MCC: variants seen among roughly 807,000 people sequenced by gnomAD.
MCC encodes the protein colorectal mutant cancer protein.
Under a neutral mutation model 116.2 loss-of-function variants are expected in MCC, and 90 were observed. That is an observed-to-expected ratio of 0.77 (90% CI 0.65 to 0.92). The LOEUF is 0.92. MCC is among the 40% of genes least tolerant of loss of function. The pLI, the probability that MCC is intolerant of heterozygous loss-of-function variation, is 0.00. For synonymous variants in MCC, 578 were observed against 510.5 expected, an observed-to-expected ratio of 1.13 and a Z score of -1.78; for missense variants, 1,516 against 1,312.2, an observed-to-expected ratio of 1.16 and a Z score of -2.40.
chr5:113,222,492 T>C (rs565642899), intron 3 of MCC, among the ~76,000 whole-genome samples: 1 of 152,352 alleles, frequency 6.6e-6, no homozygotes, highest in East Asian at 1.9e-4. Flanking sequence ...AGAGTTGGTA[T>C]TATTTCTTTC....
chr5:113,133,154 T>C (rs1337394350), intron 5 of MCC, among the ~76,000 whole-genome samples: 1 of 152,182 alleles, frequency 6.6e-6, no homozygotes, highest in Admixed American at 6.5e-5. Flanking sequence ...GCTGGGAACA[T>C]TCAAATTATT....
chr5:113,210,953 A>G (rs1402117571), intron 3 of MCC, among the ~76,000 whole-genome samples: 1 of 152,170 alleles, frequency 6.6e-6, no homozygotes, highest in African/African-American at 2.4e-5. Context: ...CTCAACTCTA[A>G]AGGCTTTGTA....
chr5:113,030,388 C>T (rs1750871611), intron 17 of MCC, among the ~76,000 whole-genome samples: 1 of 152,082 alleles, frequency 6.6e-6, no homozygotes, highest in South Asian at 2.1e-4. Context: ...TTTTAAAATG[C>T]AGATGGAGGG....
intron 5 of MCC, among the ~76,000 whole-genome samples, chr5:113,126,162 G>C (rs1322639499): frequency 6.6e-6 from 1 of 152,144 alleles, no homozygotes; most frequent in Non-Finnish European, 1.5e-5. Flanking sequence ...GTTGCTTTAA[G>C]AGATGCAACC....
intron 3 of MCC, among the ~76,000 whole-genome samples, chr5:113,278,815 C>G (rs1257238518): frequency 6.6e-6 from 1 of 152,162 alleles, no homozygotes; most frequent in Admixed American, 6.5e-5. Flanking sequence ...CAAATGCTTT[C>G]AAAGTGCTTA....
At chr5:113,219,983 CTT>C in intron 3 of MCC, among the ~76,000 whole-genome samples, 1 of 146,518 alleles carries the variant, frequency 6.8e-6, no homozygotes, top group African/African-American at 2.4e-5. Context: ...CGGGTTCATT[CTT>C]TTTCTAAGTT....
chr5:113,286,397 C>T (rs1766264101), intron 3 of MCC, among the ~76,000 whole-genome samples: 1 of 152,204 alleles, frequency 6.6e-6, no homozygotes. Context: ...ACAACTGCTT[C>T]AGTATTTCTC....
intron 2 of MCC, among the ~76,000 whole-genome samples, chr5:113,371,157 G>T (rs1768828688): frequency 6.6e-6 from 1 of 152,178 alleles, no homozygotes; most frequent in African/African-American, 2.4e-5. Context: ...GTAGGCGGAG[G>T]TTGCAGTGAG....
intron 3 of MCC, among the ~76,000 whole-genome samples, chr5:113,261,581 A>G (rs1305513171): frequency 6.6e-6 from 1 of 152,210 alleles, no homozygotes; most frequent in Non-Finnish European, 1.5e-5. Flanking sequence ...TACAGTCATA[A>G]ATACCAAATA....
At chr5:113,160,160 C>T (rs1294001507) in intron 3 of MCC, among the ~76,000 whole-genome samples, 1 of 152,198 alleles carries the variant, frequency 6.6e-6, no homozygotes, top group African/African-American at 2.4e-5. Flanking sequence ...GATCACAAAG[C>T]AGGCCCAGGT....
At chr5:113,212,128 C>A (rs1049030765) in intron 3 of MCC, among the ~76,000 whole-genome samples, 27 of 152,158 alleles carry the variant, frequency 1.8e-4, no homozygotes, top group Non-Finnish European at 3.4e-4. Context: ...TGTTTGATAA[C>A]TAACATTCCA....
At chr5:113,412,880 C>G (rs986441314) in intron 1 of MCC, among the ~76,000 whole-genome samples, 1 of 152,176 alleles carries the variant, frequency 6.6e-6, no homozygotes, top group Non-Finnish European at 1.5e-5. Flanking sequence ...CCAGGTTTGT[C>G]CATTCAGTAT....
At chr5:113,333,080 G>A (rs1221825286) in intron 3 of MCC, among the ~76,000 whole-genome samples, 1 of 151,544 alleles carries the variant, frequency 6.6e-6, no homozygotes, top group Non-Finnish European at 1.5e-5. Flanking sequence ...TGGTTGATAT[G>A]AAAAAAGGGG....
chr5:113,266,282 A>G (rs1055846707), intron 3 of MCC, among the ~76,000 whole-genome samples: 1 of 151,924 alleles, frequency 6.6e-6, no homozygotes, highest in Non-Finnish European at 1.5e-5. Context: ...ATCACCAGCA[A>G]TTCTGAAAAA....
At chr5:113,080,615 G>T (rs180770826) in intron 11 of MCC, among the ~76,000 whole-genome samples, 2 of 152,174 alleles carry the variant, frequency 1.3e-5, no homozygotes, top group Admixed American at 1.3e-4. Context: ...AGAACACCTG[G>T]ACACACGGTG....
chr5:113,190,236 T>C (rs1045571323), intron 3 of MCC, among the ~76,000 whole-genome samples: 2 of 152,202 alleles, frequency 1.3e-5, no homozygotes, highest in African/African-American at 4.8e-5. Flanking sequence ...CTTTTGCTTG[T>C]GTTCACAGCC....
intron 3 of MCC, among the ~76,000 whole-genome samples, chr5:113,298,436 A>G (rs1766765420): frequency 6.6e-6 from 1 of 152,212 alleles, no homozygotes; most frequent in African/African-American, 2.4e-5. Context: ...CAGATAAATT[A>G]CCATAGGGAG....
At chr5:113,381,150 T>C (rs576538782) in intron 2 of MCC, among the ~76,000 whole-genome samples, 1 of 152,300 alleles carries the variant, frequency 6.6e-6, no homozygotes, top group South Asian at 2.1e-4. Context: ...TTGGACACGG[T>C]GATGGCAGGA....
At chr5:113,367,637 G>T (rs1267393151) in intron 2 of MCC, among the ~76,000 whole-genome samples, 2 of 95,902 alleles carry the variant, frequency 2.1e-5, no homozygotes, top group African/African-American at 7.7e-5. Flanking sequence ...GGTGGGGGGG[G>T]GGAAGAGAGA....
Sources: allele counts gnomAD v4.1 joint callset (sites outside exome capture counted in the v4.1 genomes callset), GRCh38; gene constraint gnomAD v4.1.1; transcripts MANE v1.5; gene names NCBI Gene and HGNC (gene_info 2026-07-23, HGNC 2026-07-21).